NXPH1: variants seen among roughly 807,000 people sequenced by gnomAD.
The protein encoded by NXPH1 is neurexophilin 1.
Under a neutral mutation model 23.7 loss-of-function variants are expected in NXPH1, and 5 were observed. That is an observed-to-expected ratio of 0.21 (90% CI 0.11 to 0.44). NXPH1 has a LOEUF of 0.44. Ranked by LOEUF, NXPH1 falls within the 20% of genes least tolerant of loss-of-function variation. The pLI is 0.99. For missense variants in NXPH1, 324 were observed against 321.6 expected, an observed-to-expected ratio of 1.01 and a Z score of -0.06; for synonymous variants, 144 against 122.2, an observed-to-expected ratio of 1.18 and a Z score of -1.18.
chr7:8,520,462 C>G (rs1817751627), intron 2 of NXPH1, among the ~76,000 whole-genome samples: 2 of 152,102 alleles, frequency 1.3e-5, no homozygotes, highest in South Asian at 4.1e-4. Flanking sequence ...TCATAAAACC[C>G]CAGGTAAATG....
intron 2 of NXPH1, among the ~76,000 whole-genome samples, chr7:8,712,933 C>T (rs1343139481): frequency 2.0e-5 from 3 of 152,094 alleles, no homozygotes; most frequent in Non-Finnish European, 4.4e-5. Context: ...TATTCGGTAA[C>T]TTTCTTGTAC....
At chr7:8,715,370 G>A (rs1353786590) in intron 2 of NXPH1, among the ~76,000 whole-genome samples, 2 of 152,164 alleles carry the variant, frequency 1.3e-5, no homozygotes, top group Non-Finnish European at 2.9e-5. Flanking sequence ...GCCTCTTTCA[G>A]TGATATGAAG....
In NXPH1 at chr7:8,442,029, G is replaced by T. The variant is rs865985505; in HGVS notation, c.54+6262G>T. 2.3e-4 allele frequency among the ~76,000 whole-genome samples: 35 copies of T among 152,154 alleles called. No homozygotes were observed. The highest frequency in any genetic ancestry group is 2.1e-4 in the South Asian group (1 of 4,832). On this transcript the variant is annotated intron_variant, in intron 2 of 2. Transcript: ENST00000405863. This position sits in a 1 kb window ranked among gnomAD's most constrained non-coding sequence, Gnocchi z 4.6. ...TCAGGGGTTCGGGGTGGTGGAAAGC[G>T]AGATGGCGTTGGGAGCCAGGGCGTT...
intron 2 of NXPH1, among the ~76,000 whole-genome samples, chr7:8,655,450 A>C (rs866678285): frequency 2.8e-3 from 161 of 57,712 alleles, no homozygotes; most frequent in African/African-American, 8.0e-3. Context: ...CTCTCTCTCT[A>C]TACACACACA....
chr7:8,568,256 C>T (rs1184313045), intron 2 of NXPH1, among the ~76,000 whole-genome samples: 1 of 151,796 alleles, frequency 6.6e-6, no homozygotes, highest in African/African-American at 2.4e-5. Context: ...TAAAATTTCC[C>T]TTGTATGTCT....
intron 2 of NXPH1, among the ~76,000 whole-genome samples, chr7:8,719,530 C>G (rs1157041106): frequency 3.3e-5 from 5 of 152,128 alleles, no homozygotes; most frequent in Non-Finnish European, 1.5e-5. Flanking sequence ...ATTTCACATT[C>G]TAAAAGTAGG....
chr7:8,660,079 T>C (rs566621145), intron 2 of NXPH1, among the ~76,000 whole-genome samples: 2 of 152,350 alleles, frequency 1.3e-5, no homozygotes, highest in East Asian at 3.9e-4. Flanking sequence ...TTTAAATTAA[T>C]TTAAATTGCT....
Position 8,645,568 on chromosome 7 carries a change from A to G in NXPH1, c.55-105440A>G, listed in dbSNP as rs142739931. 1.4e-3 allele frequency among the ~76,000 whole-genome samples: 209 copies of G among 151,834 alleles called. 1 individual carries two copies. The highest frequency in any genetic ancestry group is 3.4e-3 in the Middle Eastern group (1 of 294). ...TTTAGGTATCAACCCTTTTTTGATT[A>G]TATCTAATGAACATCACATATATTA... On this transcript the variant is annotated intron_variant, in intron 2 of 2. Coordinates refer to ENST00000405863, the MANE Select transcript of NXPH1 (RefSeq NM_152745.3).
At chr7:8,620,227 T>C (rs1047112526) in intron 2 of NXPH1, among the ~76,000 whole-genome samples, 2 of 152,194 alleles carry the variant, frequency 1.3e-5, no homozygotes, top group East Asian at 1.9e-4. Context: ...AGTGAGTTTA[T>C]TGAAAGATTA....
chr7:8,544,573 G>T (rs1367661366), intron 2 of NXPH1, among the ~76,000 whole-genome samples: 1 of 151,636 alleles, frequency 6.6e-6, no homozygotes, highest in Non-Finnish European at 1.5e-5. Flanking sequence ...GTGAAGTTAG[G>T]AGTGCAGTGC....
chr7:8,730,880 G>A (rs1380087121), intron 2 of NXPH1, among the ~76,000 whole-genome samples: 6 of 151,256 alleles, frequency 4.0e-5, no homozygotes, highest in Middle Eastern at 3.4e-3. Flanking sequence ...GAATCTGAAC[G>A]TTGGCCTGCC....
At chr7:8,561,769 C>G (rs74832423) in intron 2 of NXPH1, among the ~76,000 whole-genome samples, 1 of 151,162 alleles carries the variant, frequency 6.6e-6, no homozygotes, top group South Asian at 2.1e-4. Flanking sequence ...TGTAGAGCAC[C>G]AGGCAGGGAA....
intron 2 of NXPH1, among the ~76,000 whole-genome samples, chr7:8,681,468 A>G (rs1443597930): frequency 6.6e-6 from 1 of 152,164 alleles, no homozygotes; most frequent in Non-Finnish European, 1.5e-5. Context: ...AGTTCAATGA[A>G]GCTACTCAGA....
At chr7:8,615,877 A>G (rs1819724123) in intron 2 of NXPH1, among the ~76,000 whole-genome samples, 1 of 152,134 alleles carries the variant, frequency 6.6e-6, no homozygotes. Context: ...GAGATTGGAA[A>G]GACTTCTCAG....
chr7:8,509,634 GA>G (rs1298363878), intron 2 of NXPH1, among the ~76,000 whole-genome samples: 1 of 152,062 alleles, frequency 6.6e-6, no homozygotes, highest in African/African-American at 2.4e-5. Flanking sequence ...ACAGTGGGCA[GA>G]AGCTTGTGTT....
intron 2 of NXPH1, among the ~76,000 whole-genome samples, chr7:8,637,017 A>AG (rs144543048): frequency 0.01 from 1,551 of 152,266 alleles, 23 homozygotes; most frequent in African/African-American, 0.035. Flanking sequence ...TCTCCTTGAG[A>AG]GCCCTGTGCA....
intron 2 of NXPH1, among the ~76,000 whole-genome samples, chr7:8,701,027 T>C (rs2115189600): frequency 6.6e-6 from 1 of 152,246 alleles, no homozygotes; most frequent in Non-Finnish European, 1.5e-5. Context: ...TTGGAAAGTT[T>C]CACCACTCTC....
intron 2 of NXPH1, among the ~76,000 whole-genome samples, chr7:8,619,355 C>T (rs908949330): frequency 6.6e-6 from 1 of 152,180 alleles, no homozygotes; most frequent in Admixed American, 6.6e-5. Context: ...ACATTTGTTG[C>T]TGCATCTGGG....
At chr7:8,566,851 A>C (rs55938456) in intron 2 of NXPH1, among the ~76,000 whole-genome samples, 1 of 141,732 alleles carries the variant, frequency 7.1e-6, no homozygotes, top group Non-Finnish European at 1.5e-5. Context: ...ATTCATTCAT[A>C]TTTTTTTTCT....
Sources: gnomAD v4.1 joint callset for allele counts (sites outside exome capture counted in the v4.1 genomes callset) on GRCh38, gnomAD v4.1.1 for gene constraint, Gnocchi (gnomAD v3.1) non-coding constraint, MANE v1.5 for transcripts, NCBI Gene and HGNC (gene_info 2026-07-23, HGNC 2026-07-21) for gene names.